SNN: variants seen among roughly 807,000 people sequenced by gnomAD.
SNN encodes the protein stannin.
A neutral mutation model predicts 5.3 loss-of-function variants in SNN; 5 were observed. The ratio of observed to expected loss-of-function variants is 0.94; its 90% CI spans 0.49 to 1.97. SNN has a LOEUF of 1.97. SNN is among the 30% of genes most tolerant of loss of function. The probability of loss-of-function intolerance (pLI) is 0.01; values close to 1 mark genes in which losing one functional copy is unlikely to be tolerated. For missense variants in SNN, 127 were observed against 121.6 expected (o/e 1.04, Z -0.21); for synonymous variants, 67 against 52.1 (o/e 1.29, Z -1.24).
chr16:11,673,410 G>A (rs1305511046), intron 1 of SNN, among the ~76,000 whole-genome samples: 4 of 152,210 alleles, frequency 2.6e-5, no homozygotes, highest in Non-Finnish European at 2.9e-5. Flanking sequence ...GCATGCCAAG[G>A]CCACTGCTCC....
At chr16:11,674,566 G>A (rs894489320) in intron 1 of SNN, among the ~76,000 whole-genome samples, 1 of 152,166 alleles carries the variant, frequency 6.6e-6, no homozygotes, top group African/African-American at 2.4e-5. Flanking sequence ...TCCGTGGCTC[G>A]GCCAGGTGGA....
intron 1 of SNN, among the ~76,000 whole-genome samples, chr16:11,673,558 G>A (rs956999043): frequency 2.6e-5 from 4 of 152,226 alleles, no homozygotes; most frequent in African/African-American, 4.8e-5. Flanking sequence ...CAATATCCAT[G>A]GTCTCCCTAC....
intron 1 of SNN, among the ~76,000 whole-genome samples, chr16:11,674,784 C>G (rs2141939902): frequency 6.6e-6 from 1 of 152,344 alleles, no homozygotes; most frequent in African/African-American, 2.4e-5. Context: ...CCCATCAGCA[C>G]CGCCTCCCTG....
rs8191346 is a variant in SNN, at chr16:11,678,682, G to C, written c.*2356G>C. ...CCGGGGCTCGGTGAGGCACTGGGGG[G>C]GTTTTCGGGAGGAAAATGAAAATGC... On this transcript the variant is annotated 3_prime_UTR_variant, in exon 2 of 2. Transcript: ENST00000329565. The C allele has an allele frequency of 0.02, 3,311 of 168,784 alleles. 39 individuals are homozygous for C. Among genetic ancestry groups the C allele is most frequent in the Non-Finnish European group, 0.033 (2,269 of 69,308 alleles). The allele number at this position is 168,784 out of a possible 1,614,324, so 10.5% of individuals were successfully genotyped here.
Position 11,676,094 on chromosome 16 carries a change from T to C in SNN, c.35T>C (p.Val12Ala). 1 of 1,612,478 alleles carries C rather than the reference T, an allele frequency of 6.2e-7. No individual in the cohort carries two copies. The highest frequency in any genetic ancestry group is 8.5e-7 in the Non-Finnish European group (1 of 1,178,770). Residue 12 changes from valine (V) to alanine (A), a missense_variant, in exon 2 of 2, where the codon GTG becomes GCG. By Grantham distance (64) the Val-to-Ala change is moderately conservative (BLOSUM62 0). Coordinates refer to ENST00000329565, the MANE Select transcript of SNN (RefSeq NM_003498.6). ...ATGGACCACAGCCCCACCACGGGCG[T>C]GGTCACAGTCATCGTCATCCTCATT... ...SIMDHSPTTGVVTVIVILIAI... is the reference protein window; with the variant it reads ...SIMDHSPTTGAVTVIVILIAI...
Position 11,676,539 on chromosome 16 carries a change from G to A in SNN, c.*213G>A, listed in dbSNP as rs1441796118. 6.6e-6 allele frequency: 4 copies of A among 607,158 alleles called. No individual in the cohort carries two copies. Among genetic ancestry groups the A allele is most frequent in the African/African-American group, 1.9e-5 (1 of 53,808 alleles). 37.6% of individuals were successfully genotyped at this position (607,158 alleles called of 1,614,324 possible). A position where few individuals can be genotyped will look rare whatever the true frequency, so the allele number is the denominator to read the frequency against. On this transcript the variant is annotated 3_prime_UTR_variant, in exon 2 of 2. Transcript: ENST00000329565. Reference sequence around the variant, plus strand: ...GGTGAGGCTGCCCATTGCAGGCACTGGGCAGGCCTGACCTTGCTGGGGCTC... The same window carrying A: ...GGTGAGGCTGCCCATTGCAGGCACTAGGCAGGCCTGACCTTGCTGGGGCTC...
Position 11,678,908 on chromosome 16 carries a change from G to C in SNN, c.*2582G>C, listed in dbSNP as rs1302804257. ...CCTTCGTATCACTGCAGAAGCAACA[G>C]TGGGGGCACAGGGAGGGAACTCTTG... On this transcript the variant is annotated 3_prime_UTR_variant, in exon 2 of 2. Transcript: ENST00000329565. The C allele has an allele frequency of 7.3e-6, 3 of 409,846 alleles. No homozygotes were observed. Among genetic ancestry groups the C allele is most frequent in the East Asian group, 5.6e-5 (1 of 17,882 alleles). The allele number at this position is 409,846 out of a possible 1,614,324, so 25.4% of individuals were successfully genotyped here.
rs2050301193 is a variant in SNN at position 11,676,075 on chromosome 16, C to T, written c.16C>T (p.His6Tyr). The T allele has an allele frequency of 1.9e-6, 3 of 1,607,852 alleles. No homozygotes were observed. The highest frequency in any genetic ancestry group is 2.6e-6 in the Non-Finnish European group (3 of 1,176,070). The stretch of plus-strand genomic sequence containing the variant: ...AGCACTGACCATGTCTATTATGGAC[C>T]ACAGCCCCACCACGGGCGTGGTCAC... Reference protein sequence around the residue: MSIMDHSPTTGVVTVI... With the variant: MSIMDYSPTTGVVTVI... The change falls in exon 2 of 2, where the codon CAC becomes TAC. Residue 6 changes from histidine to tyrosine, a missense_variant. By Grantham distance (83) the His-to-Tyr change is moderately conservative. Transcript: ENST00000329565.
Position 11,672,688 on chromosome 16 carries a change from C to G in SNN, c.-85-3287C>G, listed in dbSNP as rs1455336742. On this transcript the variant is annotated intron_variant, in intron 1 of 1. Coordinates refer to ENST00000329565, the MANE Select transcript of SNN (RefSeq NM_003498.6). The surrounding 1 kb of genome is among the most constrained non-coding windows in gnomAD (Gnocchi z 6.0). The stretch of plus-strand genomic sequence containing the variant: ...GTGACTGTGGCTCAGTCACTGGGCT[C>G]TGTGCTCGCGGCGGGGCAGAACCCC... Among the ~76,000 whole-genome samples, 1 of 152,188 alleles carries G rather than the reference C, an allele frequency of 6.6e-6. No individual in the cohort carries two copies. The highest frequency in any genetic ancestry group is 2.4e-5 in the African/African-American group (1 of 41,438).
chr16:11,671,541 T>C lies in SNN; in HGVS notation c.-86+3001T>C, dbSNP rs2050265873. On this transcript the variant is annotated intron_variant, in intron 1 of 1. Coordinates refer to ENST00000329565, the MANE Select transcript of SNN (RefSeq NM_003498.6). This position sits in a 1 kb window ranked among gnomAD's most constrained non-coding sequence, Gnocchi z 4.7. The stretch of plus-strand genomic sequence containing the variant: ...AGTTTCCTCACCTGCCAGATGGAGA[T>C]GCTAGGGTGAACAAAGGTGGCTGCA... Among the ~76,000 whole-genome samples, 1 of 152,102 alleles carries C rather than the reference T, an allele frequency of 6.6e-6. No individual in the cohort carries two copies. The highest frequency in any genetic ancestry group is 2.4e-5 in the African/African-American group (1 of 41,422).
rs1188450970 is a variant in SNN, at chr16:11,679,099, G to A, written c.*2773G>A. 7.5e-7 allele frequency: 1 copy of A among 1,335,012 alleles called. No individual in the cohort carries two copies. The highest frequency in any genetic ancestry group is 1.0e-6 in the Non-Finnish European group (1 of 980,314). The allele number at this position is 1,335,012 out of a possible 1,614,324, so 82.7% of individuals were successfully genotyped here. On this transcript the variant is annotated 3_prime_UTR_variant, in exon 2 of 2. Transcript: ENST00000329565. The surrounding 1 kb of genome is among the most constrained non-coding windows in gnomAD (Gnocchi z 4.6). ...TCAAGCTGATTTTCTAGACCACTGA[G>A]AAAATCTTTATTTACAATAAATTTC...
At position 11,672,211 on chromosome 16, in the gene SNN, G is replaced by T. The variant is rs1256919960; in HGVS notation, c.-86+3671G>T. Reference sequence around the variant, plus strand: ...GTGCAGGGCAGGGGTACAGCTGTGGGCGGGACAGACGGTGCCCTCCTTGGA... The same window carrying T: ...GTGCAGGGCAGGGGTACAGCTGTGGTCGGGACAGACGGTGCCCTCCTTGGA... On this transcript the variant is annotated intron_variant, in intron 1 of 1. Coordinates refer to ENST00000329565, the MANE Select transcript of SNN (RefSeq NM_003498.6). This position sits in a 1 kb window ranked among gnomAD's most constrained non-coding sequence, Gnocchi z 6.0. Among the ~76,000 whole-genome samples, 1 of 152,200 alleles carries T rather than the reference G, an allele frequency of 6.6e-6. No individual in the cohort carries two copies. Among genetic ancestry groups the T allele is most frequent in the Non-Finnish European group, 1.5e-5 (1 of 68,022 alleles).
chr16:11,675,740 G>A (rs8191323), intron 1 of SNN, among the ~76,000 whole-genome samples: 18,537 of 152,174 alleles, frequency 0.12, 1,516 homozygotes, highest in African/African-American at 0.22. Context: ...TGTCGCTGTC[G>A]CAGTGTTCCC....
At chr16:11,669,976 T>A (rs372428951) in intron 1 of SNN, among the ~76,000 whole-genome samples, 6 of 152,344 alleles carry the variant, frequency 3.9e-5, no homozygotes, top group Middle Eastern at 3.4e-3. Context: ...CCCACTGGCA[T>A]CCGGCCGTTC....
chr16:11,671,131 G>A lies in SNN; in HGVS notation c.-86+2591G>A, dbSNP rs182786860. On this transcript the variant is annotated intron_variant, in intron 1 of 1. Coordinates refer to ENST00000329565, the MANE Select transcript of SNN (RefSeq NM_003498.6). This position sits in a 1 kb window ranked among gnomAD's most constrained non-coding sequence, Gnocchi z 4.7. The stretch of plus-strand genomic sequence containing the variant: ...CCTTGGGACATGTGTGGGCTCTGCC[G>A]GGAGACAGAGTGTGTCCTGTGCTGC... 1.4e-4 allele frequency among the ~76,000 whole-genome samples: 21 copies of A among 152,294 alleles called. No homozygotes were observed. The highest frequency in any genetic ancestry group is 3.9e-4 in the Admixed American group (6 of 15,302).
intron 1 of SNN, among the ~76,000 whole-genome samples, chr16:11,669,883 C>G (rs1443595360): frequency 2.6e-4 from 40 of 152,004 alleles, no homozygotes; most frequent in Admixed American, 2.6e-3. Context: ...GTTTCCTCTT[C>G]TGAGGATGGG....
rs751197430 is a variant in SNN, at chr16:11,676,270, T to C, written c.211T>C (p.Cys71Arg). Reference sequence around the variant, plus strand: ...GGTGCAGTATTCGGCCAAGGGACCGTGCGTGGAGAGAAAGGCCAAGCTGAT... The same window carrying C: ...GGTGCAGTATTCGGCCAAGGGACCGCGCGTGGAGAGAAAGGCCAAGCTGAT... ...LLVQYSAKGP[C>R]VERKAKLMTP... Residue 71 changes from cysteine to arginine, a missense_variant, in exon 2 of 2, where the codon TGC becomes CGC. By Grantham distance (180) the Cys-to-Arg change is radical. Transcript: ENST00000329565. The C allele has an allele frequency of 6.2e-7, 1 of 1,614,028 alleles. No individual in the cohort carries two copies. Among genetic ancestry groups the C allele is most frequent in the South Asian group, 1.1e-5 (1 of 91,084 alleles).
In SNN at chr16:11,679,116, A is replaced by G; in HGVS notation, c.*2790A>G. On this transcript the variant is annotated 3_prime_UTR_variant, in exon 2 of 2. Coordinates refer to ENST00000329565, the MANE Select transcript of SNN (RefSeq NM_003498.6). This position sits in a 1 kb window ranked among gnomAD's most constrained non-coding sequence, Gnocchi z 4.6. ...ACCACTGAGAAAATCTTTATTTACA[A>G]TAAATTTCAATAAAATTTGCATAAA... is the stretch of plus-strand genomic sequence containing the variant. 1 of 1,433,490 alleles carries G rather than the reference A, an allele frequency of 7.0e-7. No homozygotes were observed. Among genetic ancestry groups the G allele is most frequent in the Non-Finnish European group, 9.5e-7 (1 of 1,054,284 alleles). The allele number at this position is 1,433,490 out of a possible 1,614,324, so 88.8% of individuals were successfully genotyped here.
rs1489902262 is a variant in SNN, at chr16:11,676,337, A to G, written c.*11A>G. 1 of 1,608,624 alleles carries G rather than the reference A, an allele frequency of 6.2e-7. No homozygotes were observed. The highest frequency in any genetic ancestry group is 2.2e-5 in the East Asian group (1 of 44,720). ...GAAGTCCACGGCTGAGCCAGGATGCAAGGCTCCTGGTCCTGTTTGCAGCCG... is the reference window on the plus strand; with the variant it reads ...GAAGTCCACGGCTGAGCCAGGATGCGAGGCTCCTGGTCCTGTTTGCAGCCG... On this transcript the variant is annotated 3_prime_UTR_variant, in exon 2 of 2. Transcript: ENST00000329565.
Sources: gnomAD v4.1 joint callset for allele counts (sites outside exome capture counted in the v4.1 genomes callset) on GRCh38, gnomAD v4.1.1 for gene constraint, Gnocchi (gnomAD v3.1) non-coding constraint, MANE v1.5 for transcripts, NCBI Gene and HGNC (gene_info 2026-07-23, HGNC 2026-07-21) for gene names.